The following ITPR2 variants were observed in gnomAD, a reference collection of about 807,000 sequenced individuals.
ITPR2 encodes inositol 1,4,5-trisphosphate-gated calcium channel ITPR2.
Under a neutral mutation model 317.1 loss-of-function variants are expected in ITPR2, and 207 were observed. That is an observed-to-expected ratio of 0.65 (90% confidence interval 0.58 to 0.73). ITPR2 has a LOEUF of 0.73. ITPR2 is among the 30% of genes least tolerant of loss of function. The pLI is 0.00. For missense variants in ITPR2, 2,613 were observed against 3,284.0 expected, an observed-to-expected ratio of 0.80 and a Z score of 4.99; for synonymous variants, 1,156 against 1,149.1, an observed-to-expected ratio of 1.01 and a Z score of -0.12.
intron 15 of ITPR2, among the ~76,000 whole-genome samples, chr12:26,661,289 T>TGG (rs1180113264): frequency 1.1e-4 from 1 of 9,500 alleles, no homozygotes; most frequent in Admixed American, 1.3e-3. Flanking sequence ...GGGGGGGGGG[T>TGG]GGGAGGGAAC....
chr12:26,393,239 C>G, intron 54 of ITPR2, among the ~76,000 whole-genome samples: 1 of 152,190 alleles, frequency 6.6e-6, no homozygotes, highest in Non-Finnish European at 1.5e-5. Flanking sequence ...TTCTTTGGAT[C>G]ACAACTTCAC....
intron 8 of ITPR2, 140 bp downstream of exon 8, chr12:26,715,159 T>A (rs973554970): frequency 1.4e-6 from 1 of 698,584 alleles, no homozygotes; most frequent in East Asian, 2.7e-5. Flanking sequence ...CAGCAATGAA[T>A]AGGCACAAGT....
intron 21 of ITPR2, among the ~76,000 whole-genome samples, chr12:26,649,888 TCTGA>T (rs1186983047): frequency 2.0e-5 from 3 of 152,152 alleles, no homozygotes; most frequent in Non-Finnish European, 2.9e-5. Flanking sequence ...AGATAGATAA[TCTGA>T]CTATTTCTCC....
Position 26,338,526 on chromosome 12 carries a change from A to G in ITPR2, c.*871T>C, listed in dbSNP as rs987559075. The G allele has an allele frequency of 2.6e-5, 4 of 152,598 alleles. No individual in the cohort carries two copies. Among genetic ancestry groups the G allele is most frequent in the African/African-American group, 9.6e-5 (4 of 41,464 alleles). 9.5% of individuals were successfully genotyped at this position (152,598 alleles called of 1,614,324 possible). On this transcript the variant is annotated 3_prime_UTR_variant, in exon 57 of 57. Coordinates refer to ENST00000381340, the MANE Select transcript of ITPR2 (RefSeq NM_002223.4). ...CAATGCCACCATCATAAGTTTCTCA[A>G]TAATTCCTATCACTTTTAAGCATTT...
At chr12:26,600,290 T>C (rs1945964915) in intron 28 of ITPR2, among the ~76,000 whole-genome samples, 181 bp from the exon 29 acceptor site, 2 of 152,134 alleles carry the variant, frequency 1.3e-5, no homozygotes, top group African/African-American at 4.8e-5. Flanking sequence ...CTCTGTTTTC[T>C]AGATCTTTCT....
intron 2 of ITPR2, among the ~76,000 whole-genome samples, chr12:26,738,366 A>C (rs1949167187): frequency 6.6e-6 from 1 of 152,024 alleles, no homozygotes. Context: ...GGACTTCCAG[A>C]AAGTGGACAT....
intron 9 of ITPR2, among the ~76,000 whole-genome samples, chr12:26,704,169 C>A (rs1412537507): frequency 2.0e-5 from 3 of 151,642 alleles, no homozygotes; most frequent in East Asian, 3.9e-4. Context: ...AATGTATAGA[C>A]CATAAAAAAA....
chr12:26,518,232 G>A (rs1943577797), intron 37 of ITPR2, among the ~76,000 whole-genome samples: 1 of 152,206 alleles, frequency 6.6e-6, no homozygotes, highest in African/African-American at 2.4e-5. Context: ...CATGGATGGA[G>A]CTGGAGGCCA....
chr12:26,618,177 C>A (rs2136794352), intron 26 of ITPR2, among the ~76,000 whole-genome samples: 1 of 152,066 alleles, frequency 6.6e-6, no homozygotes, highest in East Asian at 1.9e-4. Flanking sequence ...CCTTTAAAAT[C>A]AGAAATAAGA....
At chr12:26,641,374 A>G (rs1946982751) in intron 21 of ITPR2, among the ~76,000 whole-genome samples, 6 of 152,130 alleles carry the variant, frequency 3.9e-5, no homozygotes, top group Admixed American at 3.9e-4. Context: ...GTCTTTGCAC[A>G]TGAGGAAGTC....
intron 2 of ITPR2, among the ~76,000 whole-genome samples, chr12:26,769,805 G>A (rs147008815): frequency 8.5e-5 from 13 of 152,144 alleles, no homozygotes; most frequent in African/African-American, 3.1e-4. Context: ...GGGGGGAGTG[G>A]CTTACTTAAA....
chr12:26,531,409 CG>C (rs1395813483), intron 37 of ITPR2, among the ~76,000 whole-genome samples: 2 of 152,128 alleles, frequency 1.3e-5, no homozygotes, highest in Non-Finnish European at 2.9e-5. Context: ...GGAGCAGAAA[CG>C]AATTGTAGAG....
chr12:26,824,051 G>GA (rs1950977689), intron 1 of ITPR2, among the ~76,000 whole-genome samples: 1 of 152,148 alleles, frequency 6.6e-6, no homozygotes, highest in African/African-American at 2.4e-5. Context: ...ATTGTAAGTT[G>GA]AAAATATTCT....
At chr12:26,687,263 A>C (rs1157401425) in intron 10 of ITPR2, among the ~76,000 whole-genome samples, 1 of 152,232 alleles carries the variant, frequency 6.6e-6, no homozygotes, top group Non-Finnish European at 1.5e-5. Context: ...GAGATTAATG[A>C]GTATGTGTTT....
intron 32 of ITPR2, among the ~76,000 whole-genome samples, chr12:26,587,258 T>C (rs888431855): frequency 7.1e-6 from 1 of 141,140 alleles, no homozygotes; most frequent in African/African-American, 2.6e-5. Context: ...GTCTTTCATT[T>C]GTTCCTACTG....
intron 13 of ITPR2, among the ~76,000 whole-genome samples, chr12:26,673,034 A>C: frequency 6.6e-6 from 1 of 152,258 alleles, no homozygotes; most frequent in Non-Finnish European, 1.5e-5. Flanking sequence ...ACAGGAGCTG[A>C]AATTGTGGCA....
intron 2 of ITPR2, among the ~76,000 whole-genome samples, chr12:26,729,862 G>A (rs1213170530): frequency 6.6e-6 from 1 of 151,906 alleles, no homozygotes; most frequent in African/African-American, 2.4e-5. Context: ...TGAGTACAAG[G>A]CTTAAACTTG....
intron 1 of ITPR2, among the ~76,000 whole-genome samples, chr12:26,815,262 G>A (rs1476032970): frequency 6.6e-6 from 1 of 152,116 alleles, no homozygotes; most frequent in Non-Finnish European, 1.5e-5. Flanking sequence ...AACCTGGGAG[G>A]CAGAAGTTTC....
intron 2 of ITPR2, among the ~76,000 whole-genome samples, chr12:26,755,350 A>AG (rs1949501673): frequency 1.3e-5 from 2 of 152,218 alleles, no homozygotes. Context: ...TTGTGACATC[A>AG]GAAAAAAAGG....
Sources: gnomAD v4.1 joint callset for allele counts (sites outside exome capture counted in the v4.1 genomes callset) on GRCh38, gnomAD v4.1.1 for gene constraint, MANE v1.5 for transcripts, NCBI Gene and HGNC (gene_info 2026-07-23, HGNC 2026-07-21) for gene names.